CNTNAP3: variants seen among roughly 807,000 people sequenced by gnomAD.
CNTNAP3 encodes the protein contactin-associated protein-like 3.
Under a neutral mutation model 92.1 loss-of-function variants are expected in CNTNAP3, and 36 were observed. The ratio of observed to expected loss-of-function variants is 0.39; its 90% CI spans 0.30 to 0.52. CNTNAP3 has a LOEUF of 0.52. CNTNAP3 is among the 20% of genes least tolerant of loss of function. The pLI, the probability that CNTNAP3 is intolerant of heterozygous loss-of-function variation, is 0.76. For synonymous variants in CNTNAP3, 232 were observed against 422.3 expected, an observed-to-expected ratio of 0.55 and a Z score of 5.53; for missense variants, 534 against 1,069.6, an observed-to-expected ratio of 0.50 and a Z score of 6.98.
At chr9:39,076,504 C>A (rs1375324406) in intron 23 of CNTNAP3, among the ~76,000 whole-genome samples, 2 of 152,312 alleles carry the variant, frequency 1.3e-5, no homozygotes, top group Non-Finnish European at 2.9e-5. Flanking sequence ...TTACTGATTT[C>A]TAAGAGAAAA....
intron 18 of CNTNAP3, among the ~76,000 whole-genome samples, chr9:39,089,486 TCTA>T (rs1307937290): frequency 6.6e-6 from 1 of 152,208 alleles, no homozygotes; most frequent in Non-Finnish European, 1.5e-5. Context: ...TTGGGTTGTT[TCTA>T]CTTTTTGACT....
chr9:39,082,351 G>A (rs1288566319), intron 21 of CNTNAP3, among the ~76,000 whole-genome samples: 2 of 151,702 alleles, frequency 1.3e-5, no homozygotes, highest in Non-Finnish European at 2.9e-5. Flanking sequence ...AATGGACCAA[G>A]TTAGAACAAT....
In CNTNAP3 at chr9:39,154,906, C is replaced by T. The variant is rs992623946; in HGVS notation, c.1478-4929G>A. On this transcript the variant is annotated intron_variant, in intron 9 of 23. Transcript: ENST00000297668. ...CTAGCAGATCAGGCGGCAAGATCAT[C>T]GTGGGCGACGCCGCAGAGAAAGATG... The T allele has an allele frequency of 6.2e-5, 13 of 210,484 alleles. 1 individual carries two copies. Among genetic ancestry groups the T allele is most frequent in the African/African-American group, 2.7e-4 (11 of 40,956 alleles). The allele number at this position is 210,484 out of a possible 1,614,324, so 13.0% of individuals were successfully genotyped here.
chr9:39,116,035 C>T (rs368873858), intron 14 of CNTNAP3, among the ~76,000 whole-genome samples: 4 of 151,748 alleles, frequency 2.6e-5, no homozygotes, highest in South Asian at 4.2e-4. Context: ...GGCTGTAATC[C>T]CAGTTACTCG....
intron 18 of CNTNAP3, among the ~76,000 whole-genome samples, chr9:39,096,579 G>A (rs11788933): frequency 0.22 from 31,565 of 146,218 alleles, 3,657 homozygotes; most frequent in East Asian, 0.36. Flanking sequence ...CACTCTTCTA[G>A]TTATTTTGAA....
intron 15 of CNTNAP3, among the ~76,000 whole-genome samples, chr9:39,107,246 A>C (rs1826627619): frequency 6.6e-6 from 1 of 151,878 alleles, no homozygotes; most frequent in Non-Finnish European, 1.5e-5. Context: ...GACAGGAAAG[A>C]AAGAAAGAAA....
intron 21 of CNTNAP3, among the ~76,000 whole-genome samples, chr9:39,080,251 A>G (rs1467087682): frequency 7.1e-6 from 1 of 141,682 alleles, no homozygotes; most frequent in African/African-American, 2.8e-5. Flanking sequence ...CAAATCTCCC[A>G]CCCTCAATAT....
chr9:39,130,512 T>C (rs2118034751), intron 13 of CNTNAP3, among the ~76,000 whole-genome samples: 1 of 144,022 alleles, frequency 6.9e-6, no homozygotes, highest in Non-Finnish European at 1.6e-5. Flanking sequence ...TTTTTTTTTT[T>C]TTTTTGAGAT....
intron 9 of CNTNAP3, chr9:39,159,096 C>T (rs1035279776): frequency 4.1e-5 from 6 of 147,720 alleles, no homozygotes; most frequent in African/African-American, 7.6e-5. Flanking sequence ...GTGGTTGCTG[C>T]GTATCTGTTT....
chr9:39,146,428 G>A (rs140151383), intron 10 of CNTNAP3, among the ~76,000 whole-genome samples: 5,852 of 152,268 alleles, frequency 0.038, 161 homozygotes, highest in Non-Finnish European at 0.061. Context: ...GGTGGCTCAC[G>A]CCTGTAATCC....
chr9:39,148,725 C>T (rs1486385606), intron 10 of CNTNAP3, among the ~76,000 whole-genome samples: 3 of 152,094 alleles, frequency 2.0e-5, no homozygotes, highest in South Asian at 2.1e-4. Context: ...CGGGGTTTCA[C>T]CATGTTAGCC....
intron 12 of CNTNAP3, among the ~76,000 whole-genome samples, chr9:39,133,570 C>T (rs1033038265): frequency 6.6e-6 from 1 of 151,832 alleles, no homozygotes; most frequent in African/African-American, 2.4e-5. Context: ...GACGCACATA[C>T]TCACAGGTAT....
At position 39,069,674 on chromosome 9, in the gene CNTNAP3, T is replaced by C. The variant is rs1825596425; in HGVS notation, c.*4216A>G. On this transcript the variant is annotated 3_prime_UTR_variant, in exon 24 of 24. Coordinates refer to ENST00000297668, the MANE Select transcript of CNTNAP3 (RefSeq NM_033655.5). ...GATATGATTAATCCATAATAAATTC[T>C]GCTACTACTCCTAGTAATGGCAACT... Among the ~76,000 whole-genome samples the C allele has an allele frequency of 6.6e-6, 1 of 152,312 alleles. No homozygotes were observed. Among genetic ancestry groups the C allele is most frequent in the South Asian group, 2.1e-4 (1 of 4,838 alleles).
rs1230267376 is a variant in CNTNAP3, at chr9:39,067,522, C to T, written c.*6368G>A. ...ATGCCATTCTCCTGCCCCAGCCTCC[C>T]GAGTAGCTGGGACTTCAGGCGCCCA... On this transcript the variant is annotated 3_prime_UTR_variant, in exon 24 of 24. Transcript: ENST00000297668. 6.6e-6 allele frequency among the ~76,000 whole-genome samples: 1 copy of T among 152,166 alleles called. No individual in the cohort carries two copies. Among genetic ancestry groups the T allele is most frequent in the Non-Finnish European group, 1.5e-5 (1 of 68,056 alleles).
At chr9:39,158,997 G>C (rs551126506) in intron 9 of CNTNAP3, 4 of 122,830 alleles carry the variant, frequency 3.3e-5, no homozygotes, top group Non-Finnish European at 5.2e-5. Flanking sequence ...ACATTCTGGA[G>C]TTCATATGAA....
chr9:39,104,467 C>A (rs114613950), intron 15 of CNTNAP3, among the ~76,000 whole-genome samples: 1,523 of 121,382 alleles, frequency 0.013, 31 homozygotes, highest in African/African-American at 0.043. Flanking sequence ...TTCCTTCCTG[C>A]ACATACACAT....
intron 17 of CNTNAP3, among the ~76,000 whole-genome samples, chr9:39,100,725 C>G (rs2118475752): frequency 6.6e-6 from 1 of 152,046 alleles, no homozygotes; most frequent in East Asian, 1.9e-4. Flanking sequence ...TCAGAGGGTA[C>G]AGTGCTAAAC....
At chr9:39,097,214 A>C (rs1265683611) in intron 18 of CNTNAP3, among the ~76,000 whole-genome samples, 3 of 152,138 alleles carry the variant, frequency 2.0e-5, no homozygotes, top group Non-Finnish European at 2.9e-5. Flanking sequence ...CAATATCTTC[A>C]TACCACTATG....
chr9:39,087,967 C>T (rs1052028318), intron 19 of CNTNAP3, among the ~76,000 whole-genome samples: 18 of 152,294 alleles, frequency 1.2e-4, no homozygotes, highest in African/African-American at 4.3e-4. Flanking sequence ...TTTTCAGCCA[C>T]TGATGAGATA....
Sources: gnomAD v4.1 joint callset for allele counts (sites outside exome capture counted in the v4.1 genomes callset) on GRCh38, gnomAD v4.1.1 for gene constraint, MANE v1.5 for transcripts, NCBI Gene and HGNC (gene_info 2026-07-23, HGNC 2026-07-21) for gene names.